Variants in DOCK5 observed in about 807,000 individuals in gnomAD.
DOCK5 encodes dedicator of cytokinesis 5, also known as dedicator of cytokinesis protein 5.
Under a neutral mutation model 251.8 loss-of-function variants are expected in DOCK5, and 142 were observed. That is an observed-to-expected ratio of 0.56 (90% confidence interval 0.49 to 0.65). DOCK5 has a LOEUF of 0.65. Among genes scored for constraint, DOCK5 ranks in the 30% least tolerant of loss-of-function variants. The pLI is 0.00. For missense variants in DOCK5, 2,111 were observed against 2,312.3 expected, an observed-to-expected ratio of 0.91 and a Z score of 1.79; for synonymous variants, 842 against 835.5, an observed-to-expected ratio of 1.01 and a Z score of -0.13.
At chr8:25,324,634 A>T (rs1479747486) in intron 17 of DOCK5, among the ~76,000 whole-genome samples, 1 of 152,220 alleles carries the variant, frequency 6.6e-6, no homozygotes, top group Non-Finnish European at 1.5e-5. Context: ...AACCCAATAA[A>T]GTATAATTGT....
At chr8:25,341,104 C>G in intron 23 of DOCK5, 116 bp downstream of exon 23, 1 of 654,156 alleles carries the variant, frequency 1.5e-6, no homozygotes, top group Middle Eastern at 2.5e-4. Context: ...TCATGCATAG[C>G]TTATGAATTT....
chr8:25,268,216 T>A (rs1011243755), intron 2 of DOCK5, among the ~76,000 whole-genome samples: 5 of 151,930 alleles, frequency 3.3e-5, no homozygotes, highest in African/African-American at 7.3e-5. Flanking sequence ...AACAAACGCA[T>A]AAGATCTTTT....
chr8:25,266,211 A>G (rs1341087601), intron 2 of DOCK5, among the ~76,000 whole-genome samples: 1 of 150,544 alleles, frequency 6.6e-6, no homozygotes, highest in East Asian at 1.9e-4. Flanking sequence ...TCCTCTTTGC[A>G]TTATGCCTTC....
At chr8:25,303,798 C>T (rs1476306896) in intron 10 of DOCK5, among the ~76,000 whole-genome samples, 1 of 152,010 alleles carries the variant, frequency 6.6e-6, no homozygotes, top group Admixed American at 6.6e-5. Context: ...TCTGTCTATA[C>T]TAAAAAAATA....
intron 29 of DOCK5, among the ~76,000 whole-genome samples, chr8:25,363,753 G>A (rs1474386564): frequency 6.6e-6 from 1 of 152,152 alleles, no homozygotes; most frequent in African/African-American, 2.4e-5. Context: ...ACTGGCCTCT[G>A]CCCAGTCCCT....
At chr8:25,383,878 A>G (rs2709599) in intron 40 of DOCK5, among the ~76,000 whole-genome samples, 148,910 of 152,256 alleles carry the variant, frequency 0.98, 72,899 homozygotes, top group Middle Eastern at 1. Flanking sequence ...TAAATAAACT[A>G]TAACCAAGAA....
chr8:25,380,447 A>G (rs17053525), intron 39 of DOCK5, 53 bp downstream of exon 39: 227,923 of 1,433,612 alleles, frequency 0.16, 20,934 homozygotes, highest in African/African-American at 0.34. Flanking sequence ...TAAAATTAGC[A>G]CTCATGAAAA....
chr8:25,337,178 A>G (rs181340673), intron 22 of DOCK5, among the ~76,000 whole-genome samples: 2 of 152,290 alleles, frequency 1.3e-5, no homozygotes, highest in East Asian at 1.9e-4. Context: ...AAAAACTTAA[A>G]TGGTCAATAA....
At chr8:25,218,281 G>A (rs1246138393) in intron 1 of DOCK5, among the ~76,000 whole-genome samples, 4 of 152,200 alleles carry the variant, frequency 2.6e-5, no homozygotes, top group African/African-American at 7.2e-5. Flanking sequence ...CAGGAATGGA[G>A]TGTGGAATCC....
At position 25,372,616 on chromosome 8, in the gene DOCK5, C is replaced by G. The variant is rs142133777; in HGVS notation, c.3582C>G (p.Ala1194=). The change falls in exon 35 of 52, where the codon GCC becomes GCG. Residue 1194 remains alanine (A), a synonymous_variant. Coordinates refer to ENST00000276440, the MANE Select transcript of DOCK5 (RefSeq NM_024940.8). ...TCTCCAGCTCTGGGGAGGTCTTCGC[C>G]CTCCTGGTCAGCAGCCTCTTAGAGA... The part of the protein sequence containing the change: ...KYLSSSGEVF[A]LLVSSLLENL... 1.2e-6 allele frequency: 2 copies of G among 1,605,594 alleles called. No homozygotes were observed. The highest frequency in any genetic ancestry group is 8.5e-7 in the Non-Finnish European group (1 of 1,176,644).
chr8:25,218,874 C>T (rs574598745), intron 1 of DOCK5, among the ~76,000 whole-genome samples: 1 of 152,242 alleles, frequency 6.6e-6, no homozygotes, highest in African/African-American at 2.4e-5. Flanking sequence ...TCATTGTAAT[C>T]AAAATAATGC....
intron 1 of DOCK5, among the ~76,000 whole-genome samples, chr8:25,236,476 C>T (rs570423613): frequency 3.9e-5 from 6 of 152,186 alleles, no homozygotes; most frequent in Non-Finnish European, 8.8e-5. Flanking sequence ...TGCAGGAAAG[C>T]CAAGATGAAG....
At position 25,408,075 on chromosome 8, in the gene DOCK5, T is replaced by C; in HGVS notation, c.5186T>C (p.Ile1729Thr). 1 of 1,606,072 alleles carries C rather than the reference T, an allele frequency of 6.2e-7. No homozygotes were observed. Among genetic ancestry groups the C allele is most frequent in the Middle Eastern group, 1.7e-4 (1 of 6,050 alleles). The change falls in exon 49 of 52, where the codon ATC becomes ACC. Residue 1729 changes from isoleucine to threonine, a missense_variant. By Grantham distance (89) the Ile-to-Thr change is moderately conservative. Transcript: ENST00000276440. ...SLREENSENR[I>T]SKFKRKDWSL... ...AGAGAGGAGAACAGCGAGAACCGGA[T>C]CAGCAAGTTTAAGAGAAAAGACTGG...
chr8:25,204,026 G>A (rs1801941202), intron 1 of DOCK5, among the ~76,000 whole-genome samples: 2 of 152,166 alleles, frequency 1.3e-5, no homozygotes, highest in African/African-American at 4.8e-5. Context: ...GCAGCCTTGA[G>A]TGACAGGATT....
At chr8:25,229,880 A>T (rs902667028) in intron 1 of DOCK5, among the ~76,000 whole-genome samples, 2 of 152,196 alleles carry the variant, frequency 1.3e-5, no homozygotes, top group Admixed American at 1.3e-4. Flanking sequence ...GGTAAAATTT[A>T]TTATAAAGAT....
At chr8:25,314,559 CCCACCCACCCACCCATCTATCATCCAT>C (rs1805186078) in intron 13 of DOCK5, among the ~76,000 whole-genome samples, 1 of 82,620 alleles carries the variant, frequency 1.2e-5, no homozygotes, top group Admixed American at 1.5e-4. Flanking sequence ...CATCCATCCA[CCCACCCACCCACCCATCTATCATCCAT>C]CCACCCACCC....
intron 39 of DOCK5, among the ~76,000 whole-genome samples, chr8:25,380,671 C>T (rs17053527): frequency 0.09 from 13,726 of 152,208 alleles, 862 homozygotes; most frequent in African/African-American, 0.18. Flanking sequence ...AGTAGTGACT[C>T]GCTTTCCACA....
At chr8:25,332,158 G>A in intron 18 of DOCK5, 93 bp from the exon 19 acceptor site, 3 of 849,106 alleles carry the variant, frequency 3.5e-6, no homozygotes, top group Admixed American at 2.4e-5. Context: ...ACTATTGAGA[G>A]CAATTACCTG....
intron 9 of DOCK5, among the ~76,000 whole-genome samples, chr8:25,301,748 G>C (rs140345948): frequency 2.6e-4 from 40 of 152,000 alleles, no homozygotes; most frequent in African/African-American, 9.4e-4. Context: ...AGCTGCAAGA[G>C]AAATAGGTAT....
Sources: gnomAD v4.1 joint callset for allele counts (sites outside exome capture counted in the v4.1 genomes callset) on GRCh38, gnomAD v4.1.1 for gene constraint, MANE v1.5 for transcripts, NCBI Gene and HGNC (gene_info 2026-07-23, HGNC 2026-07-21) for gene names.